The following ANKRD55 variants were observed in gnomAD, a reference collection of about 807,000 sequenced individuals.
The protein encoded by ANKRD55 is ankyrin repeat domain-containing protein 55.
A neutral mutation model predicts 60.6 loss-of-function variants in ANKRD55; 41 were observed. That is an observed-to-expected ratio of 0.68 (90% confidence interval 0.53 to 0.88). The LOEUF (loss-of-function observed/expected upper bound fraction) is 0.88. ANKRD55 is among the 40% of genes least tolerant of loss of function. The pLI is 0.00. For synonymous variants in ANKRD55, 264 were observed against 290.3 expected (o/e 0.91, Z 0.92); for missense variants, 732 against 767.6 (o/e 0.95, Z 0.55).
intron 9 of ANKRD55, among the ~76,000 whole-genome samples, chr5:56,115,566 C>T (rs889120422): frequency 6.6e-6 from 1 of 151,886 alleles, no homozygotes; most frequent in Non-Finnish European, 1.5e-5. Context: ...AGGTGATCTA[C>T]CCGCCTCAAC....
chr5:56,205,429 C>A (rs1454463330), intron 2 of ANKRD55, among the ~76,000 whole-genome samples: 1 of 152,194 alleles, frequency 6.6e-6, no homozygotes, highest in Non-Finnish European at 1.5e-5. Flanking sequence ...ATTAATAAGA[C>A]TTTTGAATGA....
chr5:56,148,684 T>A (rs1373678200), intron 6 of ANKRD55, among the ~76,000 whole-genome samples: 15 of 152,182 alleles, frequency 9.9e-5, no homozygotes. Context: ...ACTTTTGTGT[T>A]TTCTGAACCA....
chr5:56,159,228 G>A (rs543275296), intron 6 of ANKRD55, among the ~76,000 whole-genome samples: 2 of 152,310 alleles, frequency 1.3e-5, no homozygotes, highest in Non-Finnish European at 1.5e-5. Context: ...TTGGGAGGCC[G>A]AGGCAGGCAG....
intron 2 of ANKRD55, among the ~76,000 whole-genome samples, chr5:56,194,385 G>A (rs1241062732): frequency 3.3e-5 from 5 of 151,728 alleles, no homozygotes; most frequent in East Asian, 1.9e-4. Flanking sequence ...CAGCTCAAGA[G>A]TTGAGTTTAT....
chr5:56,177,645 C>T (rs1319440907), intron 3 of ANKRD55, among the ~76,000 whole-genome samples: 1 of 151,934 alleles, frequency 6.6e-6, no homozygotes, highest in East Asian at 1.9e-4. Context: ...CATGGTGGCA[C>T]GCACCTATGA....
chr5:56,218,773 C>A (rs963985706), intron 2 of ANKRD55, among the ~76,000 whole-genome samples: 1 of 151,832 alleles, frequency 6.6e-6, no homozygotes, highest in Non-Finnish European at 1.5e-5. Flanking sequence ...TAACAAAAAG[C>A]ACACACACAT....
chr5:56,144,652 C>T (rs1321842904), intron 6 of ANKRD55, among the ~76,000 whole-genome samples: 1 of 152,184 alleles, frequency 6.6e-6, no homozygotes, highest in Non-Finnish European at 1.5e-5. Flanking sequence ...GGATTTTAAG[C>T]AGGTACTGGC....
intron 3 of ANKRD55, among the ~76,000 whole-genome samples, chr5:56,178,722 A>G (rs1282557231): frequency 6.6e-6 from 1 of 151,502 alleles, no homozygotes; most frequent in African/African-American, 2.4e-5. Flanking sequence ...AAGAAGAACT[A>G]AACATGGGAA....
chr5:56,219,466 T>G (rs1422185714), intron 2 of ANKRD55, among the ~76,000 whole-genome samples: 1 of 152,164 alleles, frequency 6.6e-6, no homozygotes. Context: ...GCAAGTGCCC[T>G]TCTTAGGTTT....
intron 5 of ANKRD55, among the ~76,000 whole-genome samples, chr5:56,163,489 C>T (rs1216209441): frequency 2.0e-5 from 3 of 152,136 alleles, no homozygotes; most frequent in East Asian, 1.9e-4. Flanking sequence ...CTCCTGTCCT[C>T]GGATCTCTGA....
chr5:56,194,785 G>A (rs751639115), intron 2 of ANKRD55, among the ~76,000 whole-genome samples: 1 of 152,248 alleles, frequency 6.6e-6, no homozygotes, highest in East Asian at 1.9e-4. Flanking sequence ...TAAATTTAAT[G>A]CTATTTGAGG....
intron 7 of ANKRD55, chr5:56,137,009 C>T: frequency 1.4e-6 from 1 of 693,034 alleles, no homozygotes; most frequent in African/African-American, 1.7e-5. Flanking sequence ...CCCAGAGAGC[C>T]CCACAAAATC....
intron 7 of ANKRD55, among the ~76,000 whole-genome samples, chr5:56,143,236 G>A (rs1046569325): frequency 2.6e-5 from 4 of 152,124 alleles, no homozygotes; most frequent in Non-Finnish European, 2.9e-5. Flanking sequence ...GAAAGCACTC[G>A]GTTACACATT....
chr5:56,135,356 T>TTCTTTC (rs1757561862), intron 7 of ANKRD55, among the ~76,000 whole-genome samples: 1 of 53,700 alleles, frequency 1.9e-5, no homozygotes, highest in Non-Finnish European at 3.5e-5. Flanking sequence ...TCTTTCTTTC[T>TTCTTTC]TTCTTTCTTT....
intron 2 of ANKRD55, among the ~76,000 whole-genome samples, chr5:56,221,353 G>A (rs1759960627): frequency 6.6e-6 from 1 of 152,188 alleles, no homozygotes; most frequent in Non-Finnish European, 1.5e-5. Flanking sequence ...TTTAAAACCT[G>A]CACATTGAGG....
intron 2 of ANKRD55, among the ~76,000 whole-genome samples, chr5:56,222,396 A>C (rs983297941): frequency 2.0e-5 from 3 of 152,210 alleles, no homozygotes; most frequent in African/African-American, 7.2e-5. Context: ...AGATTGGGAG[A>C]AACCAGAGCA....
chr5:56,134,880 G>T (rs55876131), intron 7 of ANKRD55, among the ~76,000 whole-genome samples: 2 of 151,926 alleles, frequency 1.3e-5, no homozygotes, highest in African/African-American at 2.4e-5. Flanking sequence ...ATCTAGCAAC[G>T]TAAAAAAAGA....
At chr5:56,171,857 G>A (rs1241968024) in intron 4 of ANKRD55, among the ~76,000 whole-genome samples, 16 of 152,092 alleles carry the variant, frequency 1.1e-4, no homozygotes, top group Admixed American at 2.0e-4. Context: ...GGTGGCTCAC[G>A]CCTGTAATCC....
At chr5:56,102,607 A>C in intron 10 of ANKRD55, 21 bp from the exon 11 acceptor site, 1 of 1,578,168 alleles carries the variant, frequency 6.3e-7, no homozygotes, top group Middle Eastern at 1.7e-4. Context: ...ACATATTTGC[A>C]TCAATTACTT....
Sources: allele counts gnomAD v4.1 joint callset (sites outside exome capture counted in the v4.1 genomes callset), GRCh38; gene constraint gnomAD v4.1.1; transcripts MANE v1.5; gene names NCBI Gene and HGNC (gene_info 2026-07-23, HGNC 2026-07-21).